UBE2D3: variants seen among roughly 807,000 people sequenced by gnomAD.
UBE2D3 encodes the protein ubiquitin conjugating enzyme E2 D3.
A neutral mutation model predicts 22.8 loss-of-function variants in UBE2D3; 2 were observed. That is an observed-to-expected ratio of 0.09 (90% CI 0.04 to 0.28). The LOEUF is 0.28. Ranked by LOEUF, UBE2D3 falls within the 10% of genes least tolerant of loss-of-function variation. The probability of loss-of-function intolerance (pLI) is 1.00; values close to 1 mark genes in which losing one functional copy is unlikely to be tolerated. For missense variants in UBE2D3, 27 were observed against 182.5 expected (o/e 0.15, Z 4.91); for synonymous variants, 56 against 60.4 (o/e 0.93, Z 0.34).
At position 102,797,079 on chromosome 4, in the gene UBE2D3, G is replaced by A. The variant is rs1035742155; in HGVS notation, c.*336C>T. 1.5e-5 allele frequency: 3 copies of A among 197,784 alleles called. No homozygotes were observed. The highest frequency in any genetic ancestry group is 3.1e-5 in the Non-Finnish European group (3 of 96,518). The allele number at this position is 197,784 out of a possible 1,614,324, so 12.3% of individuals were successfully genotyped here. A position where few individuals can be genotyped will look rare whatever the true frequency, so the allele number is the denominator to read the frequency against. ...CAGATGATTTCTTCAGCATGTTAGA[G>A]CAGTGAGGAATGGTTTTAGTCTCAT... is the stretch of plus-strand genomic sequence containing the variant. On this transcript the variant is annotated 3_prime_UTR_variant, in exon 8 of 8. Transcript: ENST00000453744.
chr4:102,825,465 C>G, intron 2 of UBE2D3: 4 of 1,141,338 alleles, frequency 3.5e-6, no homozygotes, highest in Non-Finnish European at 4.4e-6. Flanking sequence ...TTTAACAAAT[C>G]ATATTAATTC....
intron 1 of UBE2D3, among the ~76,000 whole-genome samples, chr4:102,866,910 A>G (rs967461854): frequency 2.6e-5 from 4 of 152,206 alleles, no homozygotes; most frequent in Non-Finnish European, 4.4e-5. Flanking sequence ...GATTAAAGAT[A>G]ACAGTTAACA....
chr4:102,799,166 G>T (rs1314429514), intron 7 of UBE2D3, among the ~76,000 whole-genome samples: 2 of 151,578 alleles, frequency 1.3e-5, no homozygotes, highest in Non-Finnish European at 2.9e-5. Context: ...AGAATAAAGT[G>T]ATACTGTTTA....
intron 6 of UBE2D3, among the ~76,000 whole-genome samples, chr4:102,800,430 AAAGT>A (rs770221521): frequency 6.6e-6 from 1 of 152,072 alleles, no homozygotes; most frequent in Admixed American, 6.6e-5. Flanking sequence ...GGCTGCCAAA[AAAGT>A]AAGTTGCTTT....
chr4:102,799,089 T>A (rs572912888), intron 7 of UBE2D3: 2 of 1,212,032 alleles, frequency 1.7e-6, no homozygotes, highest in East Asian at 5.0e-5. Context: ...ATTTTTACAA[T>A]AGTACTAACA....
At chr4:102,849,874 A>G (rs1305650424) in intron 1 of UBE2D3, among the ~76,000 whole-genome samples, 1 of 152,018 alleles carries the variant, frequency 6.6e-6, no homozygotes, top group Non-Finnish European at 1.5e-5. Context: ...GTTTCCATAA[A>G]CTTGGAAAAC....
intron 4 of UBE2D3, among the ~76,000 whole-genome samples, chr4:102,803,394 A>G (rs1341992100): frequency 6.6e-6 from 1 of 152,198 alleles, no homozygotes; most frequent in Non-Finnish European, 1.5e-5. Flanking sequence ...GGTTTTTACC[A>G]ACACTGACTC....
At chr4:102,809,312 C>A in intron 4 of UBE2D3, 1 of 251,896 alleles carries the variant, frequency 4.0e-6, no homozygotes, top group Non-Finnish European at 8.2e-6. Context: ...AGAATAAGAT[C>A]TCTGAGTAAC....
chr4:102,861,713 A>C (rs1335713451), intron 1 of UBE2D3, among the ~76,000 whole-genome samples: 1 of 152,058 alleles, frequency 6.6e-6, no homozygotes, highest in East Asian at 1.9e-4. Context: ...ATAGCAAAAG[A>C]AACTTCAAAG....
intron 1 of UBE2D3, among the ~76,000 whole-genome samples, chr4:102,842,970 AGTG>A (rs1456381210): frequency 1.0e-4 from 15 of 143,442 alleles, no homozygotes; most frequent in African/African-American, 3.9e-4. Flanking sequence ...ATTAGCTGGA[AGTG>A]GTGGTGCATG....
upstream of UBE2D3, chr4:102,827,865 A>T: frequency 1.0e-6 from 1 of 985,698 alleles, no homozygotes; most frequent in Non-Finnish European, 1.2e-6. Flanking sequence ...GAAGGAGACC[A>T]TGGGAGGAAG....
chr4:102,865,491 C>CA (rs10604973), intron 1 of UBE2D3, among the ~76,000 whole-genome samples: 4,521 of 66,634 alleles, frequency 0.068, 83 homozygotes, highest in East Asian at 0.099. Flanking sequence ...CTGTCTCAAC[C>CA]AAAAAAAAAA....
At chr4:102,860,301 G>A (rs1015290259) in intron 1 of UBE2D3, among the ~76,000 whole-genome samples, 13 of 151,710 alleles carry the variant, frequency 8.6e-5, no homozygotes, top group Middle Eastern at 3.4e-3. Flanking sequence ...TCAACTGCTA[G>A]AACTTTAATT....
chr4:102,837,531 T>C (rs190336687), intron 1 of UBE2D3, among the ~76,000 whole-genome samples: 1 of 152,266 alleles, frequency 6.6e-6, no homozygotes, highest in Admixed American at 6.5e-5. Flanking sequence ...TTAATTAAAG[T>C]ATGTACACAG....
At chr4:102,862,957 C>CA (rs950004075) in intron 1 of UBE2D3, among the ~76,000 whole-genome samples, 7 of 152,052 alleles carry the variant, frequency 4.6e-5, no homozygotes, top group African/African-American at 1.7e-4. Flanking sequence ...GGGCAGAAGG[C>CA]AAGAGGAACC....
intron 1 of UBE2D3, among the ~76,000 whole-genome samples, chr4:102,841,225 A>G (rs564320807): frequency 6.6e-6 from 1 of 152,270 alleles, no homozygotes; most frequent in African/African-American, 2.4e-5. Flanking sequence ...CTCTAAGAAC[A>G]TAAAGTTTTA....
intron 1 of UBE2D3, among the ~76,000 whole-genome samples, chr4:102,839,936 A>C (rs1265792454): frequency 6.6e-6 from 1 of 152,224 alleles, no homozygotes; most frequent in Non-Finnish European, 1.5e-5. Context: ...TTAAAAGTAA[A>C]ACAAAAATAA....
At chr4:102,825,752 T>G (rs1400299156) in intron 2 of UBE2D3, 1 of 479,526 alleles carries the variant, frequency 2.1e-6, no homozygotes. Context: ...ATCGCACCCC[T>G]TATCCACCCC....
intron 2 of UBE2D3, among the ~76,000 whole-genome samples, chr4:102,826,192 G>A (rs150293322): frequency 6.6e-6 from 1 of 151,860 alleles, no homozygotes; most frequent in Non-Finnish European, 1.5e-5. Flanking sequence ...TCCTTCTTAA[G>A]CAGCAAAAAA....
Sources: gnomAD v4.1 joint callset for allele counts (sites outside exome capture counted in the v4.1 genomes callset) on GRCh38, gnomAD v4.1.1 for gene constraint, MANE v1.5 for transcripts, NCBI Gene and HGNC (gene_info 2026-07-23, HGNC 2026-07-21) for gene names.